The following ANKRD36 variants were observed in gnomAD, a reference collection of about 807,000 sequenced individuals.
ANKRD36 encodes the protein ankyrin repeat domain-containing protein 36A.
In ANKRD36, 179 loss-of-function variants were observed where a neutral mutation model predicts 278.1. That is an observed-to-expected ratio of 0.64 (90% CI 0.57 to 0.73). ANKRD36 has a LOEUF of 0.73. ANKRD36 is among the 30% of genes least tolerant of loss of function. The pLI is 0.00. For missense variants in ANKRD36, 1,159 were observed against 1,956.7 expected (o/e 0.59, Z 7.69); for synonymous variants, 320 against 641.1 (o/e 0.50, Z 7.57).
chr2:97,208,737 T>C (rs1462125355), intron 54 of ANKRD36, among the ~76,000 whole-genome samples: 1 of 146,576 alleles, frequency 6.8e-6, no homozygotes, highest in Non-Finnish European at 1.5e-5. Context: ...TGAATGTGAA[T>C]AAATTTGCTT....
At chr2:97,188,807 T>C (rs1235948596) in intron 32 of ANKRD36, among the ~76,000 whole-genome samples, 2 of 96,974 alleles carry the variant, frequency 2.1e-5, no homozygotes, top group African/African-American at 5.1e-5. Context: ...TCCTCATCAC[T>C]CGGCATATCC....
At chr2:97,258,930 G>A (rs2076475289) in intron 75 of ANKRD36, among the ~76,000 whole-genome samples, 1 of 144,206 alleles carries the variant, frequency 6.9e-6, no homozygotes, top group African/African-American at 2.4e-5. Flanking sequence ...GAAATTTTTA[G>A]TCATTATTTC....
chr2:97,163,557 G>T (rs927045048), intron 18 of ANKRD36: 5 of 259,086 alleles, frequency 1.9e-5, no homozygotes, highest in Admixed American at 1.1e-4. Flanking sequence ...TTTCCTGCCA[G>T]CAGAAGCGAA....
chr2:97,184,262 C>T (rs1308580563), intron 28 of ANKRD36, among the ~76,000 whole-genome samples: 1 of 151,850 alleles, frequency 6.6e-6, no homozygotes, highest in African/African-American at 2.4e-5. Flanking sequence ...CCGATGACTA[C>T]TGGAATCAGG....
At chr2:97,173,782 G>A (rs1240968940) in intron 22 of ANKRD36, among the ~76,000 whole-genome samples, 1 of 151,754 alleles carries the variant, frequency 6.6e-6, no homozygotes, top group East Asian at 1.9e-4. Context: ...GAAGTTAGAA[G>A]GATGAGGGTA....
intron 15 of ANKRD36, among the ~76,000 whole-genome samples, chr2:97,157,675 A>T (rs967252556): frequency 6.9e-6 from 1 of 145,002 alleles, no homozygotes; most frequent in Admixed American, 6.9e-5. Context: ...TACTACTAAA[A>T]ACTACATTCT....
At chr2:97,207,086 G>A (rs146267959) in intron 52 of ANKRD36, among the ~76,000 whole-genome samples, 1 of 151,534 alleles carries the variant, frequency 6.6e-6, no homozygotes, top group Non-Finnish European at 1.5e-5. Flanking sequence ...GTCTTACTTT[G>A]TATGTGTATG....
intron 67 of ANKRD36, among the ~76,000 whole-genome samples, chr2:97,230,059 C>A (rs1166672731): frequency 6.6e-6 from 1 of 152,102 alleles, no homozygotes; most frequent in Non-Finnish European, 1.5e-5. Context: ...TTCTCTCTGG[C>A]TGCCCTTAAC....
At chr2:97,196,523 T>G in intron 40 of ANKRD36, 70 bp from the exon 41 acceptor site, 3 of 1,592,590 alleles carry the variant, frequency 1.9e-6, no homozygotes, top group East Asian at 2.3e-5. Flanking sequence ...TGATGCTAAC[T>G]CTGCTTGAAT....
intron 6 of ANKRD36, among the ~76,000 whole-genome samples, chr2:97,129,748 T>G (rs1204605365): frequency 6.6e-6 from 1 of 152,104 alleles, no homozygotes; most frequent in African/African-American, 2.4e-5. Flanking sequence ...CCATTTCTTC[T>G]TTTTGTCAGG....
intron 58 of ANKRD36, 148 bp downstream of exon 58, chr2:97,211,889 A>G (rs2064754110): frequency 6.3e-6 from 7 of 1,111,462 alleles, no homozygotes; most frequent in Non-Finnish European, 7.6e-6. Context: ...TTCTCGGGTG[A>G]CCCTGATGCT....
chr2:97,122,565 T>C (rs992996157), intron 3 of ANKRD36, among the ~76,000 whole-genome samples: 1 of 149,274 alleles, frequency 6.7e-6, no homozygotes, highest in Admixed American at 6.8e-5. Flanking sequence ...CTCAAGAAGC[T>C]CTTGGTTCAG....
intron 5 of ANKRD36, among the ~76,000 whole-genome samples, chr2:97,126,030 CA>C (rs1405406568): frequency 7.0e-6 from 1 of 141,880 alleles, no homozygotes; most frequent in Non-Finnish European, 1.5e-5. Context: ...TAGTTTGAAT[CA>C]AAACAAAATG....
At chr2:97,218,103 G>A (rs1466221169) in intron 64 of ANKRD36, among the ~76,000 whole-genome samples, 1 of 151,576 alleles carries the variant, frequency 6.6e-6, no homozygotes, top group Non-Finnish European at 1.5e-5. Context: ...ATGAGTTGAA[G>A]TTTAATATGA....
intron 10 of ANKRD36, 101 bp from the exon 11 acceptor site, chr2:97,146,385 A>T: frequency 1.0e-6 from 1 of 977,838 alleles, no homozygotes; most frequent in Admixed American, 3.0e-5. Context: ...CCTTTTGAGT[A>T]GCTGAGATTA....
chr2:97,142,835 G>A lies in ANKRD36; in HGVS notation c.901G>A (p.Val301Met), dbSNP rs1167276958. 6.4e-7 allele frequency: 1 copy of A among 1,557,840 alleles called. No individual in the cohort carries two copies. The highest frequency in any genetic ancestry group is 8.7e-7 in the Non-Finnish European group (1 of 1,151,646). The change falls in exon 8 of 76, where the codon GTG becomes ATG. Residue 301 changes from valine (V) to methionine (M), a missense_variant and splice_region_variant. By Grantham distance (21) the Val-to-Met change is conservative. Transcript: ENST00000420699. ...EIKDGQKSGT[V>M]SSQKQPALKD... ...AAAGGATGGACAAAAATCTGGGACA[G>A]GTATTTTGGAATACACATTTAATGT...
At chr2:97,142,192 T>C (rs954263622) in intron 6 of ANKRD36, among the ~76,000 whole-genome samples, 5 of 152,294 alleles carry the variant, frequency 3.3e-5, no homozygotes, top group Non-Finnish European at 7.3e-5. Flanking sequence ...ACCTTCTCAG[T>C]TATCGGGCAA....
chr2:97,207,896 C>G, intron 53 of ANKRD36, 38 bp from the exon 54 acceptor site: 2 of 1,539,486 alleles, frequency 1.3e-6, no homozygotes, highest in Middle Eastern at 2.3e-4. Context: ...ATGAAACATA[C>G]TTTATTAATT....
intron 58 of ANKRD36, among the ~76,000 whole-genome samples, chr2:97,212,127 T>TA (rs1343969399): frequency 9.2e-5 from 14 of 151,890 alleles, no homozygotes; most frequent in Non-Finnish European, 1.8e-4. Flanking sequence ...AAAGTGATCC[T>TA]AATACCACAA....
Sources: allele counts gnomAD v4.1 joint callset (sites outside exome capture counted in the v4.1 genomes callset), GRCh38; gene constraint gnomAD v4.1.1; transcripts MANE v1.5; gene names NCBI Gene and HGNC (gene_info 2026-07-23, HGNC 2026-07-21).